HS3ST3B1: variants seen among roughly 807,000 people sequenced by gnomAD.
HS3ST3B1 encodes the protein heparan sulfate glucosamine 3-O-sulfotransferase 3B1.
In HS3ST3B1, 13 loss-of-function variants were observed where a neutral mutation model predicts 21.3. The ratio of observed to expected loss-of-function variants is 0.61; its 90% confidence interval spans 0.40 to 0.97. The LOEUF is 0.97. Ranked by LOEUF, HS3ST3B1 falls within the 50% of genes least tolerant of loss-of-function variation. The pLI is 0.00. For synonymous variants in HS3ST3B1, 234 were observed against 254.8 expected, an observed-to-expected ratio of 0.92 and a Z score of 0.78; for missense variants, 459 against 554.8, an observed-to-expected ratio of 0.83 and a Z score of 1.73.
chr17:14,347,647 G>C lies in HS3ST3B1; in HGVS notation c.*2001G>C, dbSNP rs1456704717. The C allele has an allele frequency of 2.0e-5, 3 of 152,204 alleles. No homozygotes were observed. The highest frequency in any genetic ancestry group is 7.2e-5 in the African/African-American group (3 of 41,440). 9.4% of individuals were successfully genotyped at this position (152,204 alleles called of 1,614,324 possible). ...GATCAGAGATGTCACTGGTCTTTAA[G>C]TGATGTCTTGAAAATCCAGTATGTA... On this transcript the variant is annotated 3_prime_UTR_variant, in exon 2 of 2. Transcript: ENST00000360954.
At chr17:14,304,581 C>T (rs1909067998) in intron 1 of HS3ST3B1, 1 of 152,234 alleles carries the variant, frequency 6.6e-6, no homozygotes, top group Non-Finnish European at 1.5e-5. Context: ...AGCGCATTAC[C>T]TAAAATCTGG....
intron 1 of HS3ST3B1, among the ~76,000 whole-genome samples, chr17:14,322,898 C>CT (rs34065582): frequency 0.011 from 1,083 of 94,566 alleles, 16 homozygotes; most frequent in Middle Eastern, 0.054. Flanking sequence ...GTGTCTATGT[C>CT]TTTTTTTTTT....
chr17:14,317,531 C>G (rs570566931), intron 1 of HS3ST3B1, among the ~76,000 whole-genome samples: 2 of 152,194 alleles, frequency 1.3e-5, no homozygotes, highest in Non-Finnish European at 2.9e-5. Flanking sequence ...GAGAAAAAGA[C>G]ACCATCCAGC....
chr17:14,317,101 G>A (rs1909524567), intron 1 of HS3ST3B1, among the ~76,000 whole-genome samples: 1 of 152,214 alleles, frequency 6.6e-6, no homozygotes, highest in African/African-American at 2.4e-5. Flanking sequence ...ACACCAGAGT[G>A]GGATCCTCTA....
In HS3ST3B1 at chr17:14,301,785, G is replaced by A; in HGVS notation, c.267G>A (p.Pro89=). The change falls in exon 1 of 2, where the codon CCG becomes CCA. Residue 89 remains proline, a synonymous_variant. Transcript: ENST00000360954. ...TAPDGTPPRL[P]FRAPPATPLA... is the part of the protein sequence containing the mutation. ...CGGACGGGACGCCCCCCAGGCTGCC[G>A]TTCCGGGCGCCGCCAGCCACCCCAC... 1 of 1,557,782 alleles carries A rather than the reference G, an allele frequency of 6.4e-7. No homozygotes were observed. Among genetic ancestry groups the A allele is most frequent in the African/African-American group, 1.3e-5 (1 of 74,170 alleles).
intron 1 of HS3ST3B1, among the ~76,000 whole-genome samples, chr17:14,330,070 G>T (rs955597534): frequency 1.3e-5 from 2 of 152,184 alleles, no homozygotes; most frequent in African/African-American, 2.4e-5. Context: ...CTTGCCTGAG[G>T]CCACACAGCC....
chr17:14,311,882 A>T lies in HS3ST3B1; in HGVS notation c.554+9810A>T, dbSNP rs118171733. On this transcript the variant is annotated intron_variant, in intron 1 of 1. Transcript: ENST00000360954. ...CACCACTTAAAACAGGCTCGAGGAGATCTGTAGGCAATTTAAGCCTGATGT... is the reference window on the plus strand; with the variant it reads ...CACCACTTAAAACAGGCTCGAGGAGTTCTGTAGGCAATTTAAGCCTGATGT... Among the ~76,000 whole-genome samples, 65 of 152,172 alleles carry T rather than the reference A, an allele frequency of 4.3e-4. 2 individuals are homozygous for T. In the East Asian group the frequency reaches 8.9e-3, roughly 21 times the overall value.
intron 1 of HS3ST3B1, among the ~76,000 whole-genome samples, chr17:14,302,554 C>T (rs1051803729): frequency 1.3e-5 from 2 of 152,158 alleles, no homozygotes; most frequent in Non-Finnish European, 2.9e-5. Flanking sequence ...GCCGCGGCGT[C>T]CCGGCGAGGC....
At chr17:14,315,585 G>A (rs1345273181) in intron 1 of HS3ST3B1, among the ~76,000 whole-genome samples, 2 of 152,178 alleles carry the variant, frequency 1.3e-5, no homozygotes, top group East Asian at 3.9e-4. Flanking sequence ...CACTTTGGGA[G>A]GCCGAGGTGG....
At chr17:14,343,532 C>G (rs73257339) in intron 1 of HS3ST3B1, among the ~76,000 whole-genome samples, 8,263 of 152,184 alleles carry the variant, frequency 0.054, 790 homozygotes, top group African/African-American at 0.19. Context: ...CCTTTTTACT[C>G]TTTTTCTGTG....
At chr17:14,338,081 C>A (rs1443672875) in intron 1 of HS3ST3B1, among the ~76,000 whole-genome samples, 2 of 151,760 alleles carry the variant, frequency 1.3e-5, no homozygotes, top group Admixed American at 1.3e-4. Context: ...AAGCACCCTG[C>A]ATGATTTAAA....
At chr17:14,306,671 A>C (rs72818685) in intron 1 of HS3ST3B1, among the ~76,000 whole-genome samples, 6,147 of 152,310 alleles carry the variant, frequency 0.04, 144 homozygotes, top group Admixed American at 0.069. Flanking sequence ...TTTCTAGTCT[A>C]CTTCAGAAAA....
intron 1 of HS3ST3B1, among the ~76,000 whole-genome samples, chr17:14,332,829 C>CTTTTTTT (rs71147859): frequency 2.6e-4 from 24 of 91,026 alleles, no homozygotes; most frequent in South Asian, 4.4e-4. Flanking sequence ...GACCTTTTAT[C>CTTTTTTT]TTTTTTTTTT....
rs1339763010 is a variant in HS3ST3B1, at chr17:14,302,023, G to C, written c.505G>C (p.Glu169Gln). The change falls in exon 1 of 2, where the codon GAG becomes CAG. Residue 169 changes from glutamate (E) to glutamine (Q), a missense_variant. Transcript: ENST00000360954. ...CCCCGACGTGCGCGCCGTGGGCGCC[G>C]AGCCCCATTTCTTCGATCGCAGCTA... is the stretch of plus-strand genomic sequence containing the variant. ...VHPDVRAVGA[E>Q]PHFFDRSYDK... 1 of 1,608,260 alleles carries C rather than the reference G, an allele frequency of 6.2e-7. No homozygotes were observed. Among genetic ancestry groups the C allele is most frequent in the African/African-American group, 1.3e-5 (1 of 74,922 alleles).
intron 1 of HS3ST3B1, among the ~76,000 whole-genome samples, chr17:14,313,130 G>GTGTGTATATATATATATATATATGTGTT (rs1909382113): frequency 1.0e-5 from 1 of 95,538 alleles, no homozygotes; most frequent in African/African-American, 5.3e-5. Context: ...ATATGTGTGT[G>GTGTGTATATATATATATATATATGTGTT]TGTGTATATA....
chr17:14,319,076 G>GT (rs1043385034), intron 1 of HS3ST3B1, among the ~76,000 whole-genome samples: 4 of 152,156 alleles, frequency 2.6e-5, no homozygotes, highest in African/African-American at 7.2e-5. Context: ...TGGATGGATC[G>GT]TAAGTCCCAG....
intron 1 of HS3ST3B1, chr17:14,304,629 T>TCCTCTCTG (rs902526211): frequency 1.7e-4 from 26 of 152,352 alleles, no homozygotes; most frequent in African/African-American, 5.8e-4. Flanking sequence ...TGGAGTTCTC[T>TCCTCTCTG]CCTCTCTGCC....
At chr17:14,304,754 A>T (rs1290311510) in intron 1 of HS3ST3B1, 2 of 152,244 alleles carry the variant, frequency 1.3e-5, no homozygotes, top group African/African-American at 4.8e-5. Context: ...GTTGTAATTC[A>T]GAAACCTAGT....
At chr17:14,302,586 G>A (rs1908973321) in intron 1 of HS3ST3B1, among the ~76,000 whole-genome samples, 1 of 152,068 alleles carries the variant, frequency 6.6e-6, no homozygotes, top group South Asian at 2.1e-4. Context: ...TTAACTTTTT[G>A]TTACAGTCCG....
Sources: allele counts gnomAD v4.1 joint callset (sites outside exome capture counted in the v4.1 genomes callset), GRCh38; gene constraint gnomAD v4.1.1; transcripts MANE v1.5; gene names NCBI Gene and HGNC (gene_info 2026-07-23, HGNC 2026-07-21).